Variants in SAMD15 observed in about 807,000 individuals in gnomAD.
The protein encoded by SAMD15 is sterile alpha motif domain-containing protein 15.
Under a neutral mutation model 50.5 loss-of-function variants are expected in SAMD15, and 37 were observed. That is an observed-to-expected ratio of 0.73 (90% CI 0.56 to 0.96). The LOEUF is 0.96. Among genes scored for constraint, SAMD15 ranks in the 40% least tolerant of loss-of-function variants. SAMD15 has a pLI of 0.00. For missense variants in SAMD15, 789 were observed against 783.8 expected (o/e 1.01, Z -0.08); for synonymous variants, 255 against 282.8 (o/e 0.90, Z 0.99).
chr14:77,388,382 C>T (rs1315134814), intron 2 of SAMD15, among the ~76,000 whole-genome samples: 1 of 133,066 alleles, frequency 7.5e-6, no homozygotes, highest in Non-Finnish European at 1.6e-5. Flanking sequence ...GCCACCTGTT[C>T]GTGTGTGTGT....
chr14:77,382,038 G>A (rs1333602488), intron 2 of SAMD15, among the ~76,000 whole-genome samples: 1 of 152,016 alleles, frequency 6.6e-6, no homozygotes, highest in Admixed American at 6.6e-5. Flanking sequence ...CCTGGTTTAA[G>A]CGATTCTCCT....
chr14:77,380,239 C>A, intron 1 of SAMD15, 144 bp from the exon 2 acceptor site: 5 of 596,606 alleles, frequency 8.4e-6, no homozygotes, highest in Non-Finnish European at 1.5e-5. Flanking sequence ...AGAGTGAGAC[C>A]CTGTCTCTAA....
rs143514872 is a variant in SAMD15 at position 77,377,616 on chromosome 14, G to T, written c.198G>T (p.Glu66Asp). ...QPETEEEDFK[E>D]GEPDSAKNVQ... ...AGACCGAGGAAGAGGACTTCAAAGA[G>T]GGGGAGCCAGACAGTGCTAAGAACG... The change falls in exon 1 of 3, where the codon GAG becomes GAT. Residue 66 changes from glutamate (E) to aspartate (D), a missense_variant. By Grantham distance (45) the Glu-to-Asp change is conservative (BLOSUM62 2). Transcript: ENST00000216471. The T allele has an allele frequency of 3.7e-6, 6 of 1,614,046 alleles. No individual in the cohort carries two copies. In the East Asian group the frequency reaches 8.9e-5, roughly 24 times the overall value.
rs753762656 is a variant in SAMD15 at position 77,378,763 on chromosome 14, T to C, written c.1345T>C (p.Leu449=). The change falls in exon 1 of 3, where the codon TTG becomes CTG. Residue 449 remains leucine, a synonymous_variant. Coordinates refer to ENST00000216471, the MANE Select transcript of SAMD15 (RefSeq NM_001010860.4). ...GCACCGTGAGCCTAAAAGAGGAAAGTTGTCACTAAGTGACAAATTTAGAAA... is the reference window on the plus strand; with the variant it reads ...GCACCGTGAGCCTAAAAGAGGAAAGCTGTCACTAAGTGACAAATTTAGAAA... The part of the protein sequence containing the change: ...LEHREPKRGK[L]SLSDKFRKEY... 1.2e-6 allele frequency: 2 copies of C among 1,611,682 alleles called. No homozygotes were observed. Among genetic ancestry groups the C allele is most frequent in the South Asian group, 2.2e-5 (2 of 90,428 alleles).
chr14:77,389,912 A>G (rs893537925), intron 2 of SAMD15, among the ~76,000 whole-genome samples: 24 of 152,238 alleles, frequency 1.6e-4, no homozygotes, highest in Admixed American at 4.6e-4. Context: ...ATACACAAGT[A>G]TAAGTACTAA....
intron 2 of SAMD15, among the ~76,000 whole-genome samples, chr14:77,382,684 T>C (rs1403213121): frequency 6.6e-6 from 1 of 152,194 alleles, no homozygotes; most frequent in Non-Finnish European, 1.5e-5. Context: ...CCATGTACTA[T>C]AAACATTATG....
chr14:77,390,933 A>C, intron 2 of SAMD15, 75 bp from the exon 3 acceptor site: 1 of 906,928 alleles, frequency 1.1e-6, no homozygotes, highest in Non-Finnish European at 1.8e-6. Context: ...AGAGGCTTAG[A>C]AAACTAAATA....
rs935825604 is a variant in SAMD15, at chr14:77,378,027, G to A, written c.609G>A (p.Glu203=). Residue 203 remains glutamate, a synonymous_variant, in exon 1 of 3, where the codon GAG becomes GAA. Coordinates refer to ENST00000216471, the MANE Select transcript of SAMD15 (RefSeq NM_001010860.4). ...AATCACTTAGAGTGCAACATGAAGA[G>A]ACAGGTCTAGAGCCTCCAGAGCAGA... is the stretch of plus-strand genomic sequence containing the variant. ...PEESLRVQHE[E]TGLEPPEQTK... 18 of 1,613,850 alleles carry A rather than the reference G, an allele frequency of 1.1e-5. No homozygotes were observed. In the Admixed American group the frequency reaches 2.5e-4, roughly 22 times the overall value.
chr14:77,379,162 T>C lies in SAMD15; in HGVS notation c.1689+55T>C, dbSNP rs755481017. 9.8e-6 allele frequency: 15 copies of C among 1,530,980 alleles called. 1 individual carries two copies. The South Asian group carries it at 1.6e-4, about 16-fold the overall frequency. 94.8% of individuals were successfully genotyped at this position (1,530,980 alleles called of 1,614,324 possible). ...CATGCTGTCATCCGTCTACTTCTTA[T>C]TCCTTCTAACTTGGCCTGAGCTCTT... is the stretch of plus-strand genomic sequence containing the variant. On this transcript the variant is annotated intron_variant, in intron 1 of 2. Transcript: ENST00000216471.
intron 2 of SAMD15, among the ~76,000 whole-genome samples, chr14:77,384,674 C>T (rs1294129663): frequency 6.6e-6 from 1 of 152,100 alleles, no homozygotes; most frequent in South Asian, 2.1e-4. Flanking sequence ...GCCCCAGAAT[C>T]AGCCATGTTT....
Position 77,390,188 on chromosome 14 carries a change from G to T in SAMD15, c.1789-820G>T, listed in dbSNP as rs148501763. Among the ~76,000 whole-genome samples the T allele has an allele frequency of 7.0e-3, 1,056 of 151,902 alleles. 19 individuals are homozygous for T. Among genetic ancestry groups the T allele is most frequent in the South Asian group, 0.037 (178 of 4,808 alleles). ...TTTTTGTATTTTTAGTAGAGACAGG[G>T]TTTCACCATGTTGGCCAGACTGTTC... On this transcript the variant is annotated intron_variant, in intron 2 of 2. Coordinates refer to ENST00000216471, the MANE Select transcript of SAMD15 (RefSeq NM_001010860.4).
chr14:77,381,570 A>C (rs946789224), intron 2 of SAMD15, among the ~76,000 whole-genome samples: 5 of 152,132 alleles, frequency 3.3e-5, no homozygotes, highest in Non-Finnish European at 7.4e-5. Context: ...TCCTCCAGAG[A>C]TTTTGATTCA....
At chr14:77,379,133 A>G in intron 1 of SAMD15, 26 bp downstream of exon 1, 1 of 1,596,864 alleles carries the variant, frequency 6.3e-7, no homozygotes, top group Non-Finnish European at 8.5e-7. Context: ...ATGTTTTGAA[A>G]TCACATGCTG....
Position 77,379,097 on chromosome 14 carries a change from C to T in SAMD15, c.1679C>T (p.Pro560Leu). The T allele has an allele frequency of 6.2e-7, 1 of 1,612,954 alleles. No individual in the cohort carries two copies. The highest frequency in any genetic ancestry group is 8.5e-7 in the Non-Finnish European group (1 of 1,179,338). Residue 560 changes from proline to leucine, a missense_variant, in exon 1 of 3, where the codon CCT becomes CTT. Around this residue, in one of 2 missense-constraint regions of SAMD15, gnomAD observed 770 missense variants for 745.4 expected, o/e 1.03. Coordinates refer to ENST00000216471, the MANE Select transcript of SAMD15 (RefSeq NM_001010860.4). The stretch of plus-strand genomic sequence containing the variant: ...GAGTGGATTAGCCAGCTAGGCTTCC[C>T]TCAATACAAGGTATACAAAAATAAG... The part of the protein sequence containing the change: ...VAEWISQLGF[P>L]QYKECFITNF...
chr14:77,386,613 G>T (rs1894008741), intron 2 of SAMD15, among the ~76,000 whole-genome samples: 1 of 152,124 alleles, frequency 6.6e-6, no homozygotes, highest in African/African-American at 2.4e-5. Flanking sequence ...CTGCACTCCA[G>T]CCTGGGCAAC....
chr14:77,379,376 T>C (rs1042570435), intron 1 of SAMD15, among the ~76,000 whole-genome samples: 8 of 150,624 alleles, frequency 5.3e-5, no homozygotes, highest in Admixed American at 1.3e-4. Flanking sequence ...AAGAAGAGTA[T>C]ATAGACCTCC....
chr14:77,390,857 T>G (rs1894063853), intron 2 of SAMD15, 151 bp from the exon 3 acceptor site: 2 of 644,662 alleles, frequency 3.1e-6, no homozygotes, highest in South Asian at 3.7e-5. Flanking sequence ...GCCACTGCAC[T>G]CCAGCCTGGG....
Position 77,377,556 on chromosome 14 carries a change from G to A in SAMD15, c.138G>A (p.Lys46=). 6.2e-7 allele frequency: 1 copy of A among 1,614,154 alleles called. No homozygotes were observed. The change falls in exon 1 of 3, where the codon AAG becomes AAA. Residue 46 remains lysine (K), a synonymous_variant. Transcript: ENST00000216471. ...ACACCATGGCAAAGGCAGACTCGAAGCTACCAGCAGAGATTTACCAAGAGC... is the reference window on the plus strand; with the variant it reads ...ACACCATGGCAAAGGCAGACTCGAAACTACCAGCAGAGATTTACCAAGAGC... ...EPDTMAKADS[K]LPAEIYQEPQ...
Position 77,377,485 on chromosome 14 carries a change from C to G in SAMD15, c.67C>G (p.Pro23Ala), listed in dbSNP as rs777198272. The G allele has an allele frequency of 8.7e-6, 14 of 1,613,956 alleles. No individual in the cohort carries two copies. The highest frequency in any genetic ancestry group is 1.2e-5 in the Non-Finnish European group (14 of 1,180,010). Residue 23 changes from proline (P) to alanine (A), a missense_variant, in exon 1 of 3, where the codon CCT (proline) becomes GCT (alanine). Transcript: ENST00000216471. ...DEDGELEPERPELPGLHKLYE... is the reference protein window; with the variant it reads ...DEDGELEPERAELPGLHKLYE... ...AGATGGAGAGCTGGAGCCTGAGAGG[C>G]CTGAACTGCCTGGACTTCATAAATT...
Sources: allele counts gnomAD v4.1 joint callset (sites outside exome capture counted in the v4.1 genomes callset), GRCh38; gene constraint gnomAD v4.1.1; regional missense constraint gnomAD v4.1.1; transcripts MANE v1.5; gene names NCBI Gene and HGNC (gene_info 2026-07-23, HGNC 2026-07-21).